The following ULK4 variants were observed in gnomAD, a reference collection of about 807,000 sequenced individuals.
The protein encoded by ULK4 is unc-51 like kinase 4.
A neutral mutation model predicts 160.6 loss-of-function variants in ULK4; 133 were observed. The ratio of observed to expected loss-of-function variants is 0.83; its 90% CI spans 0.72 to 0.96. The LOEUF is 0.96. Ranked by LOEUF, ULK4 falls within the 40% of genes least tolerant of loss-of-function variation. ULK4 has a pLI of 0.00. For missense variants in ULK4, 1,580 were observed against 1,499.5 expected, an observed-to-expected ratio of 1.05 and a Z score of -0.89; for synonymous variants, 534 against 539.8, an observed-to-expected ratio of 0.99 and a Z score of 0.15.
intron 15 of ULK4, 109 bp downstream of exon 15, chr3:41,896,713 G>T: frequency 7.9e-7 from 1 of 1,262,712 alleles, no homozygotes; most frequent in Non-Finnish European, 1.1e-6. Context: ...CTAAAATCGT[G>T]ATAAATCAGT....
chr3:41,936,437 A>G (rs921154346), intron 3 of ULK4, among the ~76,000 whole-genome samples: 3 of 152,194 alleles, frequency 2.0e-5, no homozygotes, highest in Non-Finnish European at 4.4e-5. Context: ...CCATTGCTAT[A>G]TTCTTCCAAG....
intron 21 of ULK4, among the ~76,000 whole-genome samples, chr3:41,788,393 T>A (rs1575709639): frequency 6.6e-6 from 1 of 152,284 alleles, no homozygotes; most frequent in South Asian, 2.1e-4. Flanking sequence ...AATTGAAAGG[T>A]ACACCTCTCT....
chr3:41,404,892 T>C (rs766991996), intron 34 of ULK4, among the ~76,000 whole-genome samples: 60 of 152,222 alleles, frequency 3.9e-4, no homozygotes, highest in Admixed American at 1.6e-3. Flanking sequence ...TTTCTGTTCA[T>C]TATAAATTGC....
At chr3:41,608,542 G>C (rs2032499759) in intron 31 of ULK4, among the ~76,000 whole-genome samples, 3 of 152,150 alleles carry the variant, frequency 2.0e-5, no homozygotes, top group Admixed American at 6.6e-5. Context: ...GGCTTTTCCA[G>C]TAATTCTTTG....
At chr3:41,946,451 G>A (rs1331184189) in intron 2 of ULK4, among the ~76,000 whole-genome samples, 1 of 152,168 alleles carries the variant, frequency 6.6e-6, no homozygotes, top group Admixed American at 6.5e-5. Flanking sequence ...TCTTGATTTG[G>A]ATATTACATG....
chr3:41,368,199 C>T (rs184920684), intron 35 of ULK4, among the ~76,000 whole-genome samples: 1 of 151,924 alleles, frequency 6.6e-6, no homozygotes, highest in African/African-American at 2.4e-5. Flanking sequence ...AGGCGCCCAC[C>T]ACGACGCCCG....
chr3:41,911,281 G>C (rs747534953), intron 11 of ULK4, 36 bp downstream of exon 11: 2 of 1,600,706 alleles, frequency 1.2e-6, no homozygotes, highest in Non-Finnish European at 1.7e-6. Flanking sequence ...TTTAACTTTT[G>C]TCTTGCACTG....
intron 22 of ULK4, among the ~76,000 whole-genome samples, chr3:41,729,408 G>A (rs1190184827): frequency 1.3e-5 from 2 of 152,206 alleles, no homozygotes; most frequent in Admixed American, 1.3e-4. Flanking sequence ...CCGACATTGT[G>A]TCCTATTTTC....
At chr3:41,274,501 T>G (rs927517770) in intron 35 of ULK4, among the ~76,000 whole-genome samples, 5 of 152,178 alleles carry the variant, frequency 3.3e-5, no homozygotes, top group Non-Finnish European at 7.4e-5. Context: ...GGTAATGTTT[T>G]CTCTCAAAAA....
chr3:41,795,069 A>C (rs2040264614), intron 20 of ULK4, among the ~76,000 whole-genome samples: 1 of 152,238 alleles, frequency 6.6e-6, no homozygotes, highest in Non-Finnish European at 1.5e-5. Flanking sequence ...TTAACCTACA[A>C]GACGTGCTCC....
At chr3:41,278,642 G>A (rs1027683806) in intron 35 of ULK4, among the ~76,000 whole-genome samples, 13 of 152,290 alleles carry the variant, frequency 8.5e-5, no homozygotes, top group African/African-American at 3.1e-4. Context: ...CTCTGCTGGT[G>A]ATACCCAGGC....
chr3:41,660,115 C>A (rs1248626501), intron 30 of ULK4, among the ~76,000 whole-genome samples: 1 of 152,030 alleles, frequency 6.6e-6, no homozygotes, highest in Non-Finnish European at 1.5e-5. Flanking sequence ...CATGGAGAAA[C>A]CCTGTCTCTA....
chr3:41,732,173 G>C (rs2037851293), intron 22 of ULK4, among the ~76,000 whole-genome samples: 1 of 152,036 alleles, frequency 6.6e-6, no homozygotes, highest in African/African-American at 2.4e-5. Flanking sequence ...AAGGAAACAA[G>C]GGTGAACAGA....
At chr3:41,457,732 G>A (rs527887313) in intron 33 of ULK4, among the ~76,000 whole-genome samples, 4 of 152,206 alleles carry the variant, frequency 2.6e-5, no homozygotes, top group South Asian at 2.1e-4. Context: ...TACAGGGCCC[G>A]TGTCCCTGTC....
chr3:41,420,760 C>T (rs999639884), intron 34 of ULK4, among the ~76,000 whole-genome samples: 1 of 148,646 alleles, frequency 6.7e-6, no homozygotes, highest in Non-Finnish European at 1.5e-5. Flanking sequence ...GCTGGAATTA[C>T]AGGTGTGAGC....
chr3:41,789,559 A>AT (rs2040089407), intron 21 of ULK4, 102 bp downstream of exon 21: 2 of 1,189,070 alleles, frequency 1.7e-6, no homozygotes, highest in African/African-American at 1.6e-5. Context: ...GCCTCTTGGG[A>AT]TAAAAAATGA....
At chr3:41,861,503 T>C (rs576085375) in intron 17 of ULK4, among the ~76,000 whole-genome samples, 4 of 152,328 alleles carry the variant, frequency 2.6e-5, no homozygotes, top group Admixed American at 2.0e-4. Flanking sequence ...CACTGAAAAG[T>C]GTGCTGCCAG....
intron 34 of ULK4, among the ~76,000 whole-genome samples, chr3:41,441,900 G>A (rs772122977): frequency 1.3e-5 from 2 of 152,030 alleles, no homozygotes; most frequent in Non-Finnish European, 2.9e-5. Flanking sequence ...ATTGACTATC[G>A]TATCATTAGG....
intron 32 of ULK4, among the ~76,000 whole-genome samples, chr3:41,546,980 A>G (rs2086886426): frequency 6.6e-6 from 1 of 152,126 alleles, no homozygotes; most frequent in African/African-American, 2.4e-5. Context: ...TACGTTCAAA[A>G]CATTATTTCC....
Sources: allele counts gnomAD v4.1 joint callset (sites outside exome capture counted in the v4.1 genomes callset), GRCh38; gene constraint gnomAD v4.1.1; transcripts MANE v1.5; gene names NCBI Gene and HGNC (gene_info 2026-07-23, HGNC 2026-07-21).